Variants in GJC2 observed in about 807,000 individuals in gnomAD.
GJC2 encodes gap junction protein gamma 2.
For synonymous variants in GJC2, 336 were observed against 307.5 expected (o/e 1.09, Z -0.97); for missense variants, 647 against 648.9 (o/e 1.00, Z 0.03).
In GJC2 at chr1:228,158,299, G is replaced by C. The variant is rs1327160655; in HGVS notation, c.541G>C (p.Ala181Pro). 13 of 1,540,772 alleles carry C rather than the reference G, an allele frequency of 8.4e-6. No individual in the cohort carries two copies. Among genetic ancestry groups the C allele is most frequent in the Non-Finnish European group, 1.1e-5 (13 of 1,145,890 alleles). ...EAGAEEACTK[A>P]VGADGKAAGT... ...AGGCGCGGAGGAGGCGTGCACTAAG[G>C]CGGTCGGCGCTGACGGCAAGGCGGC... is the stretch of plus-strand genomic sequence containing the variant. The change falls in exon 2 of 2, where the codon GCG becomes CCG. Residue 181 changes from alanine (A) to proline (P), a missense_variant. By Grantham distance (27) the Ala-to-Pro change is conservative (BLOSUM62 -1). Transcript: ENST00000366714. The surrounding 1 kb of genome is among the most constrained non-coding windows in gnomAD (Gnocchi z 8.3).
rs764441899 is a variant in GJC2, at chr1:228,157,926, C to T, written c.168C>T (p.Cys56=). 2.7e-5 allele frequency: 44 copies of T among 1,612,678 alleles called. No individual in the cohort carries two copies. In the South Asian group the frequency reaches 4.7e-4, roughly 17 times the overall value. The change falls in exon 2 of 2, where the codon TGC becomes TGT. Residue 56 remains cysteine, a synonymous_variant. Coordinates refer to ENST00000366714, the MANE Select transcript of GJC2 (RefSeq NM_020435.4). The part of the protein sequence containing the change: ...IYSDEQAKFT[C]NTRQPGCDNV... ...CGGACGAGCAGGCCAAGTTCACTTG[C>T]AACACGCGGCAGCCAGGCTGCGACA...
At position 228,158,284 on chromosome 1, in the gene GJC2, G is replaced by A. The variant is rs773453663; in HGVS notation, c.526G>A (p.Glu176Lys). 4 of 1,531,800 alleles carry A rather than the reference G, an allele frequency of 2.6e-6. No individual in the cohort carries two copies. Among genetic ancestry groups the A allele is most frequent in the East Asian group, 2.5e-5 (1 of 40,662 alleles). The allele number at this position is 1,531,800 out of a possible 1,614,324, so 94.9% of individuals were successfully genotyped here. ...GGAAGCGGAGGAGGCAGGCGCGGAGGAGGCGTGCACTAAGGCGGTCGGCGC... is the reference window on the plus strand; with the variant it reads ...GGAAGCGGAGGAGGCAGGCGCGGAGAAGGCGTGCACTAAGGCGGTCGGCGC... ...GEEAEEAGAE[E>K]ACTKAVGADG... Residue 176 changes from glutamate to lysine, a missense_variant, in exon 2 of 2, where the codon GAG becomes AAG. Transcript: ENST00000366714. This position sits in a 1 kb window ranked among gnomAD's most constrained non-coding sequence, Gnocchi z 8.3.
intron 1 of GJC2, among the ~76,000 whole-genome samples, chr1:228,153,191 G>A (rs2034640750): frequency 6.6e-6 from 1 of 152,106 alleles, no homozygotes; most frequent in South Asian, 2.1e-4. Context: ...TCTCTATCAT[G>A]GTCCTTTCTT....
rs2034724433 is a variant in GJC2 at position 228,158,690 on chromosome 1, C to A, written c.932C>A (p.Pro311His). The A allele has an allele frequency of 9.4e-7, 1 of 1,061,884 alleles. No homozygotes were observed. The highest frequency in any genetic ancestry group is 4.1e-5 in the South Asian group (1 of 24,282). The allele number at this position is 1,061,884 out of a possible 1,614,324, so 65.8% of individuals were successfully genotyped here. Residue 311 changes from proline (P) to histidine (H), a missense_variant, in exon 2 of 2, where the codon CCC becomes CAC. Physicochemically the swap from Pro to His is moderately conservative, Grantham distance 77. Transcript: ENST00000366714. This position sits in a 1 kb window ranked among gnomAD's most constrained non-coding sequence, Gnocchi z 8.3. ...RRGPPASAPAPAPRPPPCAFP... is the reference protein window; with the variant it reads ...RRGPPASAPAHAPRPPPCAFP... ...GGCCCCCCGGCCTCCGCCCCCGCCCCCGCGCCGCGGCCCCCGCCCTGCGCC... is the reference window on the plus strand; with the variant it reads ...GGCCCCCCGGCCTCCGCCCCCGCCCACGCGCCGCGGCCCCCGCCCTGCGCC...
Position 228,158,980 on chromosome 1 carries a change from C to T in GJC2, c.1222C>T (p.Arg408Trp), listed in dbSNP as rs918865729. The T allele has an allele frequency of 1.9e-6, 3 of 1,599,104 alleles. No homozygotes were observed. The highest frequency in any genetic ancestry group is 1.7e-6 in the Non-Finnish European group (2 of 1,174,636). ...TSAGTVGEQG[R>W]PGTHERPGAK... ...TGCGGGCACTGTCGGGGAGCAGGGC[C>T]GGCCCGGCACCCACGAGCGGCCAGG... The change falls in exon 2 of 2, where the codon CGG becomes TGG. Residue 408 changes from arginine to tryptophan, a missense_variant. Transcript: ENST00000366714. This position sits in a 1 kb window ranked among gnomAD's most constrained non-coding sequence, Gnocchi z 8.3.
chr1:228,158,707 C>T lies in GJC2; in HGVS notation c.949C>T (p.Pro317Ser). The T allele has an allele frequency of 1.6e-6, 2 of 1,244,936 alleles. No homozygotes were observed. Among genetic ancestry groups the T allele is most frequent in the South Asian group, 3.3e-5 (2 of 60,344 alleles). The allele number at this position is 1,244,936 out of a possible 1,614,324, so 77.1% of individuals were successfully genotyped here. The change falls in exon 2 of 2, where the codon CCC (proline) becomes TCC (serine). Residue 317 changes from proline (P) to serine (S), a missense_variant. Coordinates refer to ENST00000366714, the MANE Select transcript of GJC2 (RefSeq NM_020435.4). The surrounding 1 kb of genome is among the most constrained non-coding windows in gnomAD (Gnocchi z 8.3). ...SAPAPAPRPP[P>S]CAFPAAAAGL... Reference sequence around the variant, plus strand: ...CCCCGCCCCCGCGCCGCGGCCCCCGCCCTGCGCCTTCCCTGCGGCGGCCGC... The same window carrying T: ...CCCCGCCCCCGCGCCGCGGCCCCCGTCCTGCGCCTTCCCTGCGGCGGCCGC...
chr1:228,154,593 C>T (rs1445564782), intron 1 of GJC2, among the ~76,000 whole-genome samples: 1 of 152,194 alleles, frequency 6.6e-6, no homozygotes, highest in Non-Finnish European at 1.5e-5. Context: ...TGCTCCCCTC[C>T]AGTACAGAGT....
At chr1:228,153,667 C>T (rs554446344) in intron 1 of GJC2, among the ~76,000 whole-genome samples, 45 of 150,820 alleles carry the variant, frequency 3.0e-4, no homozygotes, top group South Asian at 1.7e-3. Flanking sequence ...ACTGCAACCT[C>T]CGCCTCCCAG....
At chr1:228,156,510 G>A (rs1350855920) in intron 1 of GJC2, among the ~76,000 whole-genome samples, 3 of 152,216 alleles carry the variant, frequency 2.0e-5, no homozygotes, top group South Asian at 4.1e-4. Flanking sequence ...TGGCTCTGAG[G>A]GGTACTGCAC....
In GJC2 at chr1:228,151,702, G is replaced by A. The variant is rs2034618664; in HGVS notation, c.-20+1695G>A. Among the ~76,000 whole-genome samples the A allele has an allele frequency of 6.6e-6, 1 of 152,186 alleles. No individual in the cohort carries two copies. Among genetic ancestry groups the A allele is most frequent in the Non-Finnish European group, 1.5e-5 (1 of 68,020 alleles). ...GGCCTACTGCTGCACAGGCAGGACAGTGAGGCCGGCCACAGAGCTGCTGGG... is the reference window on the plus strand; with the variant it reads ...GGCCTACTGCTGCACAGGCAGGACAATGAGGCCGGCCACAGAGCTGCTGGG... On this transcript the variant is annotated intron_variant, in intron 1 of 1. Coordinates refer to ENST00000366714, the MANE Select transcript of GJC2 (RefSeq NM_020435.4). The surrounding 1 kb of genome is among the most constrained non-coding windows in gnomAD (Gnocchi z 5.4).
intron 1 of GJC2, among the ~76,000 whole-genome samples, chr1:228,156,147 C>T (rs565180035): frequency 1.6e-4 from 24 of 152,142 alleles, no homozygotes; most frequent in African/African-American, 4.6e-4. Flanking sequence ...CCTGATCACA[C>T]GTGTGTGTGT....
intron 1 of GJC2, among the ~76,000 whole-genome samples, chr1:228,156,612 G>A (rs545001530): frequency 9.8e-5 from 15 of 152,352 alleles, no homozygotes; most frequent in Admixed American, 4.6e-4. Flanking sequence ...TAAAGAGGCC[G>A]GGAGCCTCAC....
chr1:228,158,893 G>A lies in GJC2; in HGVS notation c.1135G>A (p.Ala379Thr), dbSNP rs1449321238. The A allele has an allele frequency of 1.3e-5, 19 of 1,489,878 alleles. No individual in the cohort carries two copies. The highest frequency in any genetic ancestry group is 1.6e-5 in the Non-Finnish European group (18 of 1,128,628). 92.3% of individuals were successfully genotyped at this position (1,489,878 alleles called of 1,614,324 possible). ...RDSSPCVGLPAASRGPPRAGA... is the reference protein window; with the variant it reads ...RDSSPCVGLPTASRGPPRAGA... ...CAGTTCGCCGTGCGTCGGCCTCCCT[G>A]CGGCCTCCCGGGGGCCCCCCAGAGC... Residue 379 changes from alanine (A) to threonine (T), a missense_variant, in exon 2 of 2, where the codon GCG (alanine) becomes ACG (threonine). Coordinates refer to ENST00000366714, the MANE Select transcript of GJC2 (RefSeq NM_020435.4). This position sits in a 1 kb window ranked among gnomAD's most constrained non-coding sequence, Gnocchi z 8.3.
In GJC2 at chr1:228,155,135, C is replaced by T. The variant is rs914472421; in HGVS notation, c.-19-2605C>T. Among the ~76,000 whole-genome samples, 19 of 152,194 alleles carry T rather than the reference C, an allele frequency of 1.2e-4. 1 individual carries two copies. The highest frequency in any genetic ancestry group is 1.0e-3 in the Admixed American group (16 of 15,292). ...GAATAGTCACTAGCAGCATGGAAGG[C>T]GGTGACACAGCGACAGCCTCAGGGA... On this transcript the variant is annotated intron_variant, in intron 1 of 1. Transcript: ENST00000366714.
rs766641843 is a variant in GJC2 at position 228,158,104 on chromosome 1, C to G, written c.346C>G (p.Arg116Gly). 2 of 1,424,828 alleles carry G rather than the reference C, an allele frequency of 1.4e-6. No individual in the cohort carries two copies. The highest frequency in any genetic ancestry group is 1.9e-6 in the Non-Finnish European group (2 of 1,079,584). 88.3% of individuals were successfully genotyped at this position (1,424,828 alleles called of 1,614,324 possible). Reference sequence around the variant, plus strand: ...GCAGGAGCGGCGCCGCGCCCTCCGCCGCCGCCCGGGGCCACGCCGCGCGCC... The same window carrying G: ...GCAGGAGCGGCGCCGCGCCCTCCGCGGCCGCCCGGGGCCACGCCGCGCGCC... Reference protein sequence around the residue: ...SEQERRRALRRRPGPRRAPRA... With the variant: ...SEQERRRALRGRPGPRRAPRA... Residue 116 changes from arginine to glycine, a missense_variant, in exon 2 of 2, where the codon CGC (arginine) becomes GGC (glycine). By Grantham distance (125) the Arg-to-Gly change is moderately radical (BLOSUM62 -2). Coordinates refer to ENST00000366714, the MANE Select transcript of GJC2 (RefSeq NM_020435.4). The surrounding 1 kb of genome is among the most constrained non-coding windows in gnomAD (Gnocchi z 8.3).
Position 228,152,951 on chromosome 1 carries a change from GTT to G in GJC2, c.-20+2945_-20+2946del, listed in dbSNP as rs906076141. Among the ~76,000 whole-genome samples the G allele has an allele frequency of 2.3e-4, 35 of 152,124 alleles. No homozygotes were observed. Among genetic ancestry groups the G allele is most frequent in the African/African-American group, 8.4e-4 (35 of 41,432 alleles). On this transcript the variant is annotated intron_variant, in intron 1 of 1. Transcript: ENST00000366714. This position sits in a 1 kb window ranked among gnomAD's most constrained non-coding sequence, Gnocchi z 7.3. The stretch of plus-strand genomic sequence containing the variant: ...ACTCTGAAGCCCAAGGGTGCCTCCA[GTT>G]CTTTGGCCAAGCTGAAGCCTCTCCC...
At position 228,157,741 on chromosome 1, in the gene GJC2, A is replaced by ACACC; in HGVS notation, c.-17_-16insACCC. 186 of 354,464 alleles carry ACACC rather than the reference A, an allele frequency of 5.2e-4. No individual in the cohort carries two copies. The highest frequency in any genetic ancestry group is 1.3e-3 in the South Asian group (66 of 52,106). The allele number at this position is 354,464 out of a possible 1,614,324, so 22.0% of individuals were successfully genotyped here. ...GCTGACCCCTACCCCGCCCCACAGGACCCGCCCGCCCGCCCCTATGACCAA... is the reference window on the plus strand; with the variant it reads ...GCTGACCCCTACCCCGCCCCACAGGACACCCCCGCCCGCCCGCCCCTATGACCAA... On this transcript the variant is annotated splice_region_variant and 5_prime_UTR_variant, in exon 2 of 2. Transcript: ENST00000366714.
intron 1 of GJC2, among the ~76,000 whole-genome samples, chr1:228,153,186 A>G (rs1451044454): frequency 3.3e-5 from 5 of 152,008 alleles, no homozygotes; most frequent in African/African-American, 1.2e-4. Flanking sequence ...CCGCCTCTCT[A>G]TCATGGTCCT....
chr1:228,151,192 A>T lies in GJC2; in HGVS notation c.-20+1185A>T, dbSNP rs2124962106. Among the ~76,000 whole-genome samples, 1 of 152,102 alleles carries T rather than the reference A, an allele frequency of 6.6e-6. No individual in the cohort carries two copies. Among genetic ancestry groups the T allele is most frequent in the South Asian group, 2.1e-4 (1 of 4,822 alleles). ...CAGGGAGGAGAGGGCTCCACGGGGG[A>T]GGAGGCACCAGCCTGGATGCTGCCT... On this transcript the variant is annotated intron_variant, in intron 1 of 1. Coordinates refer to ENST00000366714, the MANE Select transcript of GJC2 (RefSeq NM_020435.4). The surrounding 1 kb of genome is among the most constrained non-coding windows in gnomAD (Gnocchi z 5.4).
Sources: gnomAD v4.1 joint callset for allele counts (sites outside exome capture counted in the v4.1 genomes callset) on GRCh38, gnomAD v4.1.1 for gene constraint, Gnocchi (gnomAD v3.1) non-coding constraint, MANE v1.5 for transcripts, NCBI Gene and HGNC (gene_info 2026-07-23, HGNC 2026-07-21) for gene names.